The following SCN7A variants were observed in gnomAD, a reference collection of about 807,000 sequenced individuals.
SCN7A encodes sodium voltage-gated channel alpha subunit 7.
In SCN7A, 138 loss-of-function variants were observed where a neutral mutation model predicts 155.2. That is an observed-to-expected ratio of 0.89 (90% confidence interval 0.77 to 1.02). SCN7A has a LOEUF of 1.02. Ranked by LOEUF, SCN7A falls within the 50% of genes least tolerant of loss-of-function variation. SCN7A has a pLI of 0.00. For missense variants in SCN7A, 2,058 were observed against 1,986.6 expected (o/e 1.04, Z -0.68); for synonymous variants, 693 against 649.0 (o/e 1.07, Z -1.03).
chr2:166,448,057 C>A (rs1003551945), intron 11 of SCN7A, among the ~76,000 whole-genome samples: 6 of 151,946 alleles, frequency 3.9e-5, no homozygotes, highest in Non-Finnish European at 5.9e-5. Flanking sequence ...AGATCTTATT[C>A]CTTCTATTTA....
At chr2:166,463,108 C>A (rs1294732837) in intron 9 of SCN7A, among the ~76,000 whole-genome samples, 1 of 152,144 alleles carries the variant, frequency 6.6e-6, no homozygotes, top group Non-Finnish European at 1.5e-5. Context: ...CAAATGACTT[C>A]ATGTAAAGCC....
At chr2:166,491,826 T>C (rs1683114788) in intron 1 of SCN7A, among the ~76,000 whole-genome samples, 1 of 152,046 alleles carries the variant, frequency 6.6e-6, no homozygotes, top group African/African-American at 2.4e-5. Flanking sequence ...AATAATGGGA[T>C]CAGACTCCCA....
chr2:166,490,759 A>G (rs929129656), intron 1 of SCN7A, among the ~76,000 whole-genome samples: 4 of 152,150 alleles, frequency 2.6e-5, no homozygotes, highest in South Asian at 2.1e-4. Context: ...GCTTCTGACA[A>G]TTCTGAAAAT....
rs772005366 is a variant in SCN7A, at chr2:166,465,498, C to T, written c.905G>A (p.Arg302Lys). 1.2e-6 allele frequency: 2 copies of T among 1,609,020 alleles called. No homozygotes were observed. The highest frequency in any genetic ancestry group is 1.7e-6 in the Non-Finnish European group (2 of 1,177,268). The change falls in exon 9 of 26, where the codon AGA becomes AAA. Residue 302 changes from arginine to lysine, a missense_variant. Transcript: ENST00000643258. ...TENFYYLEGE[R>K]YALLCGNRTD... ...CCTGTTGCCACAAAGGAGAGCATAT[C>T]TTTCTCCTTCCAAATAATAAAAGTT...
chr2:166,441,657 C>T lies in SCN7A; in HGVS notation c.1896G>A (p.Leu632=). The T allele has an allele frequency of 6.2e-7, 1 of 1,613,818 alleles. No individual in the cohort carries two copies. The change falls in exon 15 of 26, where the codon CTG becomes CTA. Residue 632 remains leucine (L), a synonymous_variant. Coordinates refer to ENST00000643258, the MANE Select transcript of SCN7A (RefSeq NM_002976.4). The stretch of plus-strand genomic sequence containing the variant: ...AAAAGAAGATGAATGTGAACAACAA[C>T]AGGACCAAGTCTTTCAGGGCCACCC... ...NSWVALKDLV[L]LLFTFIFFSA...
At chr2:166,461,361 A>G (rs1213186773) in intron 10 of SCN7A, among the ~76,000 whole-genome samples, 1 of 152,192 alleles carries the variant, frequency 6.6e-6, no homozygotes, top group Non-Finnish European at 1.5e-5. Flanking sequence ...CTACTATGAT[A>G]GAACTTATCT....
In SCN7A at chr2:166,429,237, A is replaced by G; in HGVS notation, c.2630T>C (p.Val877Ala). 6.5e-7 allele frequency: 1 copy of G among 1,547,178 alleles called. No homozygotes were observed. ...TTCTTCTTCAGAGATAGCAATATCA[A>G]CAGTACTGCATTCAGATGAGCTAGA... Reference protein sequence around the residue: ...KQSSSSECSTVDIAISEEEEM... With the variant: ...KQSSSSECSTADIAISEEEEM... Residue 877 changes from valine (V) to alanine (A), a missense_variant, in exon 17 of 26, where the codon GTT becomes GCT. By Grantham distance (64) the Val-to-Ala change is moderately conservative (BLOSUM62 0). Transcript: ENST00000643258.
At chr2:166,488,667 T>A (rs1703107275) in intron 1 of SCN7A, among the ~76,000 whole-genome samples, 1 of 151,508 alleles carries the variant, frequency 6.6e-6, no homozygotes, top group Admixed American at 6.6e-5. Context: ...AGACGGAGTC[T>A]CACTCTGTTG....
At chr2:166,475,122 A>ATATATACGTATATATATATATATATACG (rs71031250) in intron 3 of SCN7A, among the ~76,000 whole-genome samples, 4,306 of 93,380 alleles carry the variant, frequency 0.046, 199 homozygotes, top group Middle Eastern at 0.095. Flanking sequence ...ATATATATAC[A>ATATATACGTATATATATATATATATACG]TATATATATA....
Position 166,403,744 on chromosome 2 carries a change from C to T in SCN7A, c.*1836G>A, listed in dbSNP as rs967287414. The stretch of plus-strand genomic sequence containing the variant: ...CTAAAATCAGTTTGTTGTCTTTACG[C>T]AATTTACAGAAGCAAGTTATGATTC... On this transcript the variant is annotated 3_prime_UTR_variant, in exon 26 of 26. Coordinates refer to ENST00000643258, the MANE Select transcript of SCN7A (RefSeq NM_002976.4). The T allele has an allele frequency of 7.9e-5, 12 of 151,898 alleles. No homozygotes were observed. The highest frequency in any genetic ancestry group is 2.7e-4 in the African/African-American group (11 of 41,400). 9.4% of individuals were successfully genotyped at this position (151,898 alleles called of 1,614,324 possible).
At chr2:166,417,362 A>T (rs1701402073) in intron 20 of SCN7A, among the ~76,000 whole-genome samples, 1 of 151,996 alleles carries the variant, frequency 6.6e-6, no homozygotes, top group South Asian at 2.1e-4. Context: ...AGTCCCAACT[A>T]CTCGGGAGGC....
At chr2:166,483,388 G>A (rs1702974642) in intron 2 of SCN7A, among the ~76,000 whole-genome samples, 1 of 151,920 alleles carries the variant, frequency 6.6e-6, no homozygotes, top group Non-Finnish European at 1.5e-5. Context: ...TACTCGGATA[G>A]TGTGGGGTTT....
At chr2:166,464,376 C>T (rs1032459661) in intron 9 of SCN7A, among the ~76,000 whole-genome samples, 2 of 151,988 alleles carry the variant, frequency 1.3e-5, no homozygotes, top group African/African-American at 4.8e-5. Flanking sequence ...CCAAGTCATC[C>T]CAGCTAAGCA....
chr2:166,442,166 C>G (rs1047943795), intron 14 of SCN7A, among the ~76,000 whole-genome samples: 1 of 152,142 alleles, frequency 6.6e-6, no homozygotes, highest in Non-Finnish European at 1.5e-5. Flanking sequence ...GATGAAGGTA[C>G]TATCATGTAT....
Position 166,491,379 on chromosome 2 carries a change from C to T in SCN7A, c.-128+2589G>A, listed in dbSNP as rs139990242. ...TGTCCAGCACCAGGCTGAGTCAATC[C>T]AATTATAAATACTGCAGAGACAACA... On this transcript the variant is annotated intron_variant, in intron 1 of 25. Transcript: ENST00000643258. 2.6e-5 allele frequency among the ~76,000 whole-genome samples: 4 copies of T among 152,192 alleles called. No homozygotes were observed. In the East Asian group the frequency reaches 5.8e-4, roughly 22 times the overall value.
chr2:166,484,198 T>A (rs933267520), intron 2 of SCN7A, among the ~76,000 whole-genome samples: 2 of 151,894 alleles, frequency 1.3e-5, no homozygotes, highest in Non-Finnish European at 2.9e-5. Context: ...ATAAAGAATA[T>A]GGACTATGGG....
At chr2:166,410,109 G>T in intron 24 of SCN7A, 111 bp downstream of exon 24, 1 of 1,129,990 alleles carries the variant, frequency 8.8e-7, no homozygotes, top group Non-Finnish European at 1.2e-6. Flanking sequence ...ACCATGAAAA[G>T]CTTTGTCAAG....
chr2:166,431,686 C>A (rs983081828), intron 16 of SCN7A, among the ~76,000 whole-genome samples: 1 of 151,956 alleles, frequency 6.6e-6, no homozygotes, highest in African/African-American at 2.4e-5. Flanking sequence ...TCTTTGAATG[C>A]GACTCTGATT....
chr2:166,431,269 G>T (rs2105410707), intron 16 of SCN7A, among the ~76,000 whole-genome samples: 1 of 152,164 alleles, frequency 6.6e-6, no homozygotes, highest in African/African-American at 2.4e-5. Flanking sequence ...AGACTATTGG[G>T]CATGTGGATT....
Sources: allele counts gnomAD v4.1 joint callset (sites outside exome capture counted in the v4.1 genomes callset), GRCh38; gene constraint gnomAD v4.1.1; transcripts MANE v1.5; gene names NCBI Gene and HGNC (gene_info 2026-07-23, HGNC 2026-07-21).